ZNF532: variants seen among roughly 807,000 people sequenced by gnomAD.
The protein encoded by ZNF532 is zinc finger protein 532.
ZNF532 carries 22 observed loss-of-function variants against 89.3 expected under a neutral mutation model. The ratio of observed to expected loss-of-function variants is 0.25; its 90% CI spans 0.18 to 0.35. ZNF532 has a LOEUF of 0.35. Ranked by LOEUF, ZNF532 falls within the 10% of genes least tolerant of loss-of-function variation. The pLI, the probability that ZNF532 is intolerant of heterozygous loss-of-function variation, is 1.00. For synonymous variants in ZNF532, 606 were observed against 649.6 expected (o/e 0.93, Z 1.02); for missense variants, 1,132 against 1,643.4 (o/e 0.69, Z 5.38).
At chr18:58,974,091 A>T (rs2066770771) in intron 7 of ZNF532, among the ~76,000 whole-genome samples, 1 of 152,202 alleles carries the variant, frequency 6.6e-6, no homozygotes, top group African/African-American at 2.4e-5. Context: ...CTTTTAAAAA[A>T]GTGATTTTAT....
chr18:58,889,522 G>A (rs748605729), intron 2 of ZNF532, among the ~76,000 whole-genome samples: 1 of 152,150 alleles, frequency 6.6e-6, no homozygotes, highest in Non-Finnish European at 1.5e-5. Context: ...ACTCTTGGCC[G>A]GGTGTGGTGG....
chr18:58,863,448 C>A (rs1473301546), upstream of ZNF532: 1 of 136,584 alleles, frequency 7.3e-6, no homozygotes, highest in Admixed American at 7.3e-5. Flanking sequence ...CTTCCCCCAC[C>A]GGCCGCCCCC....
At chr18:58,958,091 A>G (rs2064985220) in intron 7 of ZNF532, among the ~76,000 whole-genome samples, 2 of 151,650 alleles carry the variant, frequency 1.3e-5, no homozygotes. Flanking sequence ...AAATACAAAA[A>G]CCTAATTCTG....
At chr18:58,905,781 C>T (rs1373947198) in intron 2 of ZNF532, among the ~76,000 whole-genome samples, 1 of 152,196 alleles carries the variant, frequency 6.6e-6, no homozygotes, top group Non-Finnish European at 1.5e-5. Context: ...TTAGTTTTTA[C>T]CTATTGTCCT....
chr18:58,979,044 C>T lies in ZNF532; in HGVS notation c.3151-11C>T, dbSNP rs1276568812. The stretch of plus-strand genomic sequence containing the variant: ...TCATTCCCTTAAGTGAACTTTCTCT[C>T]CTTCCTCCAGCAAATGAAGAAACAC... On this transcript the variant is annotated splice_polypyrimidine_tract_variant and intron_variant, in intron 7 of 9. Coordinates refer to ENST00000591808, the MANE Select transcript of ZNF532 (RefSeq NM_001375912.1). 1.9e-6 allele frequency: 3 copies of T among 1,602,188 alleles called. No individual in the cohort carries two copies. The highest frequency in any genetic ancestry group is 2.6e-6 in the Non-Finnish European group (3 of 1,170,504).
At chr18:58,925,323 ATTATT>A (rs1157935410) in intron 3 of ZNF532, among the ~76,000 whole-genome samples, 1 of 152,126 alleles carries the variant, frequency 6.6e-6, no homozygotes, top group Non-Finnish European at 1.5e-5. Flanking sequence ...GATGTGTGGT[ATTATT>A]TTATTGTGGT....
chr18:58,919,574 G>A lies in ZNF532; in HGVS notation c.1287G>A (p.Val429=). 6.2e-7 allele frequency: 1 copy of A among 1,614,162 alleles called. No homozygotes were observed. Among genetic ancestry groups the A allele is most frequent in the Non-Finnish European group, 8.5e-7 (1 of 1,180,030 alleles). Residue 429 remains valine (V), a synonymous_variant, in exon 3 of 10, where the codon GTG becomes GTA. Coordinates refer to ENST00000591808, the MANE Select transcript of ZNF532 (RefSeq NM_001375912.1). The surrounding 1 kb of genome is among the most constrained non-coding windows in gnomAD (Gnocchi z 6.1). The part of the protein sequence containing the change: ...PPRAPLQSAV[V]TNAVSPAELT... ...GGGCGCCTCTCCAGTCTGCGGTCGT[G>A]ACCAATGCAGTTTCCCCTGCAGAGC... is the stretch of plus-strand genomic sequence containing the variant.
intron 6 of ZNF532, among the ~76,000 whole-genome samples, chr18:58,951,982 G>A (rs2064254685): frequency 6.6e-6 from 1 of 152,182 alleles, no homozygotes; most frequent in Non-Finnish European, 1.5e-5. Context: ...CACTTTCACT[G>A]TTGCCTGTTT....
chr18:58,920,735 C>CGTT (rs1186210096), intron 3 of ZNF532, 102 bp downstream of exon 3: 2 of 409,032 alleles, frequency 4.9e-6, no homozygotes, highest in African/African-American at 5.7e-5. Context: ...GTGAAATGGA[C>CGTT]GTGTGTGTGT....
chr18:58,939,821 G>T (rs1426492870), intron 5 of ZNF532, 200 bp downstream of exon 5: 2 of 421,490 alleles, frequency 4.7e-6, no homozygotes, highest in Non-Finnish European at 4.1e-6. Context: ...GTCCAAAAAC[G>T]TTACCTATTA....
At chr18:58,934,251 A>G (rs1433007142) in intron 3 of ZNF532, 182 bp from the exon 4 acceptor site, 2 of 539,212 alleles carry the variant, frequency 3.7e-6, no homozygotes, top group African/African-American at 1.9e-5. Flanking sequence ...GTGATTTTAC[A>G]GGATAGAGAA....
intron 6 of ZNF532, among the ~76,000 whole-genome samples, chr18:58,950,572 G>A (rs73439966): frequency 4.6e-5 from 7 of 151,976 alleles, no homozygotes; most frequent in Non-Finnish European, 1.0e-4. Context: ...AGAGGAAGTG[G>A]AACAGGCACA....
chr18:58,950,219 G>A (rs41321949), intron 6 of ZNF532, among the ~76,000 whole-genome samples: 5,557 of 152,228 alleles, frequency 0.037, 104 homozygotes, highest in East Asian at 0.06. Context: ...TTTGTGGTTA[G>A]GGTCTTCCTT....
At chr18:58,946,354 G>A (rs1349993484) in intron 5 of ZNF532, among the ~76,000 whole-genome samples, 4 of 146,760 alleles carry the variant, frequency 2.7e-5, no homozygotes, top group East Asian at 2.0e-4. Context: ...GTACAGTGGC[G>A]TGATCTCAGC....
intron 6 of ZNF532, chr18:58,953,065 G>A (rs370163457): frequency 1.9e-5 from 3 of 154,276 alleles, no homozygotes; most frequent in Admixed American, 6.4e-5. Context: ...ATTTACTAAC[G>A]TATTGATCTT....
intron 2 of ZNF532, among the ~76,000 whole-genome samples, chr18:58,913,374 A>G (rs955943344): frequency 3.3e-5 from 5 of 152,240 alleles, no homozygotes; most frequent in African/African-American, 9.6e-5. Context: ...ATTACGTAAT[A>G]TAAACATAAG....
At position 58,888,891 on chromosome 18, in the gene ZNF532, T is replaced by TA. The variant is rs1272147896; in HGVS notation, c.-18+23312_-18+23313insA. ...ATAATATATATTATATATATATATT[T>TA]TATATATATATATATATATATAATT... On this transcript the variant is annotated intron_variant, in intron 2 of 9. Transcript: ENST00000591808. Among the ~76,000 whole-genome samples, 12 of 37,276 alleles carry TA rather than the reference T, an allele frequency of 3.2e-4. 1 individual carries two copies. The South Asian group carries it at 4.8e-3, about 15-fold the overall frequency. 24.5% of individuals were successfully genotyped at this position (37,276 alleles called of 152,430 possible).
chr18:58,942,288 C>T lies in ZNF532; in HGVS notation c.2705+2667C>T, dbSNP rs1408466681. ...CCGCCCACCTTGGCCTCCCAAAGTG[C>T]TGGGATTACAGGCGTGAGCCACCGC... On this transcript the variant is annotated intron_variant, in intron 5 of 9. Transcript: ENST00000591808. Among the ~76,000 whole-genome samples the T allele has an allele frequency of 6.3e-5, 9 of 143,786 alleles. No homozygotes were observed. The East Asian group carries it at 2.1e-3, about 33-fold the overall frequency. 94.3% of individuals were successfully genotyped at this position (143,786 alleles called of 152,430 possible).
rs150368570 is a variant in ZNF532, at chr18:58,923,181, A to G, written c.2346+2548A>G. On this transcript the variant is annotated intron_variant, in intron 3 of 9. Transcript: ENST00000591808. ...CCGTTTTGCAGCCATCCACTCACCT[A>G]TGTAGGCCACTCAGCTCACCAGCGA... Among the ~76,000 whole-genome samples the G allele has an allele frequency of 7.2e-5, 11 of 152,076 alleles. No homozygotes were observed. In the East Asian group the frequency reaches 1.7e-3, roughly 24 times the overall value.
Sources: allele counts gnomAD v4.1 joint callset (sites outside exome capture counted in the v4.1 genomes callset), GRCh38; gene constraint gnomAD v4.1.1; non-coding constraint Gnocchi (gnomAD v3.1); transcripts MANE v1.5; gene names NCBI Gene and HGNC (gene_info 2026-07-23, HGNC 2026-07-21).